The following PIWIL2 variants were observed in gnomAD, a reference collection of about 807,000 sequenced individuals.
PIWIL2 encodes piwi-like protein 2.
A neutral mutation model predicts 116.5 loss-of-function variants in PIWIL2; 81 were observed. That is an observed-to-expected ratio of 0.70 (90% CI 0.58 to 0.84). The LOEUF (loss-of-function observed/expected upper bound fraction) is 0.84. Among genes scored for constraint, PIWIL2 ranks in the 40% least tolerant of loss-of-function variants. The pLI is 0.00. For missense variants in PIWIL2, 1,272 were observed against 1,212.3 expected (o/e 1.05, Z -0.73); for synonymous variants, 489 against 429.5 (o/e 1.14, Z -1.71).
chr8:22,300,900 C>T (rs967935402), intron 10 of PIWIL2, among the ~76,000 whole-genome samples: 1 of 152,040 alleles, frequency 6.6e-6, no homozygotes, highest in Non-Finnish European at 1.5e-5. Context: ...AGTACAGATA[C>T]TTTATCAGGT....
intron 19 of PIWIL2, among the ~76,000 whole-genome samples, chr8:22,316,913 C>G (rs1831473788): frequency 1.3e-5 from 2 of 151,884 alleles, no homozygotes; most frequent in South Asian, 4.2e-4. Flanking sequence ...CTCAGCCTCC[C>G]GAGTAGCTGG....
chr8:22,289,922 A>G lies in PIWIL2; in HGVS notation c.1062A>G (p.Gln354=). 6.2e-7 allele frequency: 1 copy of G among 1,603,650 alleles called. No homozygotes were observed. The highest frequency in any genetic ancestry group is 1.1e-5 in the South Asian group (1 of 90,750). Residue 354 remains glutamine (Q), a synonymous_variant, in exon 9 of 23, where the codon CAA becomes CAG. Coordinates refer to ENST00000356766, the MANE Select transcript of PIWIL2 (RefSeq NM_018068.5). The stretch of plus-strand genomic sequence containing the variant: ...CTACAAGTGCTATGGTACTACAGCA[A>G]CACAGGTTGGTACTTTTTTCCCTTC... ...YDPTSAMVLQ[Q]HRLQIWPGYA...
chr8:22,320,854 A>G (rs1331866448), intron 20 of PIWIL2, among the ~76,000 whole-genome samples: 3 of 152,084 alleles, frequency 2.0e-5, no homozygotes, highest in African/African-American at 7.2e-5. Flanking sequence ...CAGCCTCTCA[A>G]AGTGCTGGGA....
chr8:22,341,233 A>G (rs1011710130), intron 20 of PIWIL2, among the ~76,000 whole-genome samples: 3 of 152,076 alleles, frequency 2.0e-5, no homozygotes, highest in African/African-American at 7.2e-5. Flanking sequence ...TCAACAGGCT[A>G]AAGAAGAAGA....
intron 10 of PIWIL2, among the ~76,000 whole-genome samples, chr8:22,297,608 A>G (rs79814991): frequency 0.061 from 9,275 of 152,274 alleles, 354 homozygotes; most frequent in Admixed American, 0.092. Context: ...AACCAGTGCA[A>G]TGGGCACAAG....
At chr8:22,291,689 T>C (rs191012458) in intron 10 of PIWIL2, among the ~76,000 whole-genome samples, 2 of 152,284 alleles carry the variant, frequency 1.3e-5, no homozygotes, top group East Asian at 3.9e-4. Flanking sequence ...CTGGGTGTTA[T>C]CGGGCTTGTA....
At chr8:22,340,032 C>G (rs568458366) in intron 20 of PIWIL2, among the ~76,000 whole-genome samples, 7 of 146,692 alleles carry the variant, frequency 4.8e-5, no homozygotes, top group Admixed American at 4.2e-4. Context: ...GTGAACCTAA[C>G]TGTATAAAAA....
chr8:22,329,426 TGAAGCA>T (rs1379536563), intron 20 of PIWIL2, among the ~76,000 whole-genome samples: 2 of 152,012 alleles, frequency 1.3e-5, no homozygotes, highest in African/African-American at 2.4e-5. Flanking sequence ...TGGTGGAAGG[TGAAGCA>T]GAAGCAGGCA....
rs138977571 is a variant in PIWIL2, at chr8:22,356,430, A to C, written c.*925A>C. 1.3e-5 allele frequency: 2 copies of C among 152,318 alleles called. No homozygotes were observed. Among genetic ancestry groups the C allele is most frequent in the Non-Finnish European group, 2.9e-5 (2 of 68,034 alleles). 9.4% of individuals were successfully genotyped at this position (152,318 alleles called of 1,614,324 possible). ...CCCTTGGCCTCTTGAAAGAGTGCAG[A>C]TGAAGCCTTTTCCGTGGATTTCAGT... On this transcript the variant is annotated 3_prime_UTR_variant, in exon 23 of 23. Transcript: ENST00000356766.
At chr8:22,287,781 ACAGGCGTGTGAGCCACTTCACCTGGCC>A in intron 7 of PIWIL2, 136 bp downstream of exon 7, 1 of 657,148 alleles carries the variant, frequency 1.5e-6, no homozygotes, top group Non-Finnish European at 2.8e-6. Flanking sequence ...CCCTGGGACT[ACAGGCGTGTGAGCCACTTCACCTGGCC>A]CAGGACTGGT....
chr8:22,317,760 C>A (rs550811339), intron 19 of PIWIL2, among the ~76,000 whole-genome samples: 6 of 151,962 alleles, frequency 3.9e-5, no homozygotes, highest in African/African-American at 1.5e-4. Context: ...CCCAGGTTCA[C>A]GCCATTCTCC....
intron 10 of PIWIL2, among the ~76,000 whole-genome samples, chr8:22,294,394 C>T (rs1302662878): frequency 1.4e-5 from 2 of 138,518 alleles, no homozygotes; most frequent in Admixed American, 7.6e-5. Context: ...GTAATCCCAA[C>T]ACTTTGGGAG....
At chr8:22,279,626 C>G in intron 2 of PIWIL2, 42 bp downstream of exon 2, 3 of 1,532,418 alleles carry the variant, frequency 2.0e-6, no homozygotes, top group Non-Finnish European at 2.7e-6. Flanking sequence ...ATACAGCTTA[C>G]CTGTGTGCCG....
rs377177824 is a variant in PIWIL2 at position 22,288,632 on chromosome 8, C to G, written c.952C>G (p.Leu318Val). Residue 318 changes from leucine to valine, a missense_variant, in exon 8 of 23, where the codon CTG becomes GTG. Transcript: ENST00000356766. ...AAAGATCCTGGAGCCCTGCTCTGAC[C>G]TGTGCATTCCCTTCTACAATGTTGT... ...MTKILEPCSD[L>V]CIPFYNVVFR... 1 of 1,613,114 alleles carries G rather than the reference C, an allele frequency of 6.2e-7. No homozygotes were observed. Among genetic ancestry groups the G allele is most frequent in the Non-Finnish European group, 8.5e-7 (1 of 1,179,334 alleles).
intron 6 of PIWIL2, among the ~76,000 whole-genome samples, chr8:22,285,104 CTCTT>C (rs915473085): frequency 6.6e-6 from 1 of 152,166 alleles, no homozygotes; most frequent in Non-Finnish European, 1.5e-5. Flanking sequence ...CATTTAAAAT[CTCTT>C]TCAGGAATTT....
At chr8:22,319,599 T>A (rs183128712) in intron 20 of PIWIL2, among the ~76,000 whole-genome samples, 1 of 152,312 alleles carries the variant, frequency 6.6e-6, no homozygotes, top group Admixed American at 6.5e-5. Context: ...ACCCTGAAAC[T>A]TAGTGGCATG....
chr8:22,342,539 C>CA (rs1009294119), intron 20 of PIWIL2, among the ~76,000 whole-genome samples: 1 of 152,106 alleles, frequency 6.6e-6, no homozygotes, highest in Non-Finnish European at 1.5e-5. Context: ...ACAATCTTTT[C>CA]AAAAAATGGT....
rs139822008 is a variant in PIWIL2, at chr8:22,295,366, A to G, written c.1181+5020A>G. Among the ~76,000 whole-genome samples, 25 of 151,232 alleles carry G rather than the reference A, an allele frequency of 1.7e-4. No homozygotes were observed. In the East Asian group the frequency reaches 3.7e-3, roughly 22 times the overall value. On this transcript the variant is annotated intron_variant, in intron 10 of 22. Transcript: ENST00000356766. ...TTTTTTTCTAAGTACGTAATTTTAT[A>G]TGTACTTACCACTAATTTAAGCTCA...
chr8:22,278,325 GC>G (rs1377031476), intron 1 of PIWIL2, among the ~76,000 whole-genome samples: 1 of 152,144 alleles, frequency 6.6e-6, no homozygotes, highest in East Asian at 1.9e-4. Context: ...TTTGAGACCA[GC>G]CTTGGCAACG....
Sources: gnomAD v4.1 joint callset for allele counts (sites outside exome capture counted in the v4.1 genomes callset) on GRCh38, gnomAD v4.1.1 for gene constraint, MANE v1.5 for transcripts, NCBI Gene and HGNC (gene_info 2026-07-23, HGNC 2026-07-21) for gene names.